The following DNAH8 variants were observed in gnomAD, a reference collection of about 807,000 sequenced individuals.
DNAH8 encodes the protein axonemal beta dynein heavy chain 8.
In DNAH8, 382 loss-of-function variants were observed where a neutral mutation model predicts 562.1. That is an observed-to-expected ratio of 0.68 (90% CI 0.63 to 0.74). DNAH8 has a LOEUF of 0.74. DNAH8 is among the 30% of genes least tolerant of loss of function. The probability of loss-of-function intolerance (pLI) is 0.00; values close to 1 mark genes in which losing one functional copy is unlikely to be tolerated. For synonymous variants in DNAH8, 1,881 were observed against 1,919.4 expected (o/e 0.98, Z 0.52); for missense variants, 5,203 against 5,620.4 (o/e 0.93, Z 2.37).
At chr6:38,968,401 G>A (rs1763117571) in intron 82 of DNAH8, among the ~76,000 whole-genome samples, 1 of 152,098 alleles carries the variant, frequency 6.6e-6, no homozygotes, top group Non-Finnish European at 1.5e-5. Context: ...TAAGGGTCTA[G>A]TATCCAGAAT....
intron 74 of DNAH8, among the ~76,000 whole-genome samples, chr6:38,927,867 C>T (rs1782238334): frequency 6.6e-6 from 1 of 152,100 alleles, no homozygotes; most frequent in Non-Finnish European, 1.5e-5. Context: ...GAAATATGCC[C>T]GAAACTCTTC....
chr6:38,989,638 G>A (rs1162505440), intron 87 of DNAH8, among the ~76,000 whole-genome samples: 1 of 152,196 alleles, frequency 6.6e-6, no homozygotes, highest in Non-Finnish European at 1.5e-5. Flanking sequence ...GTGGGGTGAT[G>A]AAAATGCCCA....
At chr6:38,804,514 A>G (rs1771073567) in intron 22 of DNAH8, among the ~76,000 whole-genome samples, 1 of 152,144 alleles carries the variant, frequency 6.6e-6, no homozygotes, top group African/African-American at 2.4e-5. Flanking sequence ...GCTGCTGCTC[A>G]GGGAAGTAGT....
At chr6:38,757,799 T>C (rs1048389148) in intron 10 of DNAH8, among the ~76,000 whole-genome samples, 4 of 152,216 alleles carry the variant, frequency 2.6e-5, no homozygotes, top group Non-Finnish European at 5.9e-5. Context: ...CATTTCTTGT[T>C]TTTGTCAGGT....
In DNAH8 at chr6:38,989,549, G is replaced by A. The variant is rs556095367; in HGVS notation, c.13054-463G>A. ...GAGTTTGCATGGAGCTCTCCTGGCC[G>A]TGTGCTGGGGCTCATTGCTGTGTGA... is the stretch of plus-strand genomic sequence containing the variant. On this transcript the variant is annotated intron_variant, in intron 87 of 92. Transcript: ENST00000327475. Among the ~76,000 whole-genome samples, 57 of 152,324 alleles carry A rather than the reference G, an allele frequency of 3.7e-4. 1 individual carries two copies. In the East Asian group the frequency reaches 0.01, roughly 27 times the overall value.
Position 39,011,636 on chromosome 6 carries a change from A to G in DNAH8, c.13372-579A>G, listed in dbSNP as rs566863796. On this transcript the variant is annotated intron_variant, in intron 89 of 92. Coordinates refer to ENST00000327475, the MANE Select transcript of DNAH8 (RefSeq NM_001206927.2). ...AATAGTCAATAAGTGATACATCAAA[A>G]GGAACAAATGACAGATATTTAACTG... Among the ~76,000 whole-genome samples the G allele has an allele frequency of 3.3e-5, 5 of 152,354 alleles. No individual in the cohort carries two copies. In the South Asian group the frequency reaches 1.0e-3, roughly 32 times the overall value.
At chr6:38,746,512 G>T (rs972407864) in intron 8 of DNAH8, among the ~76,000 whole-genome samples, 1 of 151,766 alleles carries the variant, frequency 6.6e-6, no homozygotes, top group African/African-American at 2.4e-5. Context: ...TTTGTTGCTT[G>T]TATTTTAATT....
intron 74 of DNAH8, among the ~76,000 whole-genome samples, chr6:38,929,112 A>G (rs1188494229): frequency 6.6e-6 from 1 of 152,136 alleles, no homozygotes; most frequent in Non-Finnish European, 1.5e-5. Flanking sequence ...TCACTTACTC[A>G]TCTTGTAGGG....
In DNAH8 at chr6:38,751,194, C is replaced by T. The variant is rs1030533726; in HGVS notation, c.1407+605C>T. ...GGGAGAGTCTTCTTCTCAGTTCACTCATGTGGTTATTGGAAGGCCCCAGTC... is the reference window on the plus strand; with the variant it reads ...GGGAGAGTCTTCTTCTCAGTTCACTTATGTGGTTATTGGAAGGCCCCAGTC... On this transcript the variant is annotated intron_variant, in intron 9 of 92. Coordinates refer to ENST00000327475, the MANE Select transcript of DNAH8 (RefSeq NM_001206927.2). Among the ~76,000 whole-genome samples the T allele has an allele frequency of 3.3e-5, 5 of 152,196 alleles. No homozygotes were observed. In the East Asian group the frequency reaches 7.7e-4, roughly 23 times the overall value.
intron 75 of DNAH8, among the ~76,000 whole-genome samples, chr6:38,930,078 G>C (rs1782442985): frequency 6.6e-6 from 1 of 152,056 alleles, no homozygotes. Flanking sequence ...AAATAACCCG[G>C]ATTTCTTCCC....
rs1764681753 is a variant in DNAH8, at chr6:38,990,156, C to T, written c.13198C>T (p.Pro4400Ser). The change falls in exon 88 of 93, where the codon CCT becomes TCT. Residue 4400 changes from proline (P) to serine (S), a missense_variant. By Grantham distance (74) the Pro-to-Ser change is moderately conservative. Around this residue, in one of 6 missense-constraint regions of DNAH8, gnomAD observed 1,399 missense variants for 1,518.4 expected, o/e 0.92. Transcript: ENST00000327475. ...LDNPEVFGLH[P>S]NADITYQSNT... The stretch of plus-strand genomic sequence containing the variant: ...TAACCCTGAAGTCTTTGGGCTTCAC[C>T]CTAATGCTGATATCACGTAAGTCCC... 2 of 1,606,320 alleles carry T rather than the reference C, an allele frequency of 1.2e-6. No homozygotes were observed. Among genetic ancestry groups the T allele is most frequent in the Middle Eastern group, 1.7e-4 (1 of 6,030 alleles).
In DNAH8 at chr6:38,911,491, C is replaced by T. The variant is rs759738901; in HGVS notation, c.9764C>T (p.Thr3255Ile). 1 of 1,613,344 alleles carries T rather than the reference C, an allele frequency of 6.2e-7. No individual in the cohort carries two copies. The highest frequency in any genetic ancestry group is 1.3e-5 in the African/African-American group (1 of 74,858). Residue 3255 changes from threonine (T) to isoleucine (I), a missense_variant, in exon 66 of 93, where the codon ACT becomes ATT. Transcript: ENST00000327475. ...AGATACCGCCGAAGAGCACATGTGA[C>T]TCCCAAATCTTACCTCTCATTTATA... ...FQRYRRRAHV[T>I]PKSYLSFING...
At chr6:38,721,077 C>T (rs527597974) in intron 1 of DNAH8, among the ~76,000 whole-genome samples, 2 of 152,104 alleles carry the variant, frequency 1.3e-5, no homozygotes, top group Non-Finnish European at 2.9e-5. Context: ...AGAAAATTAC[C>T]TCAAACGACC....
intron 52 of DNAH8, among the ~76,000 whole-genome samples, chr6:38,873,866 A>C (rs1484191366): frequency 6.6e-6 from 1 of 151,950 alleles, no homozygotes; most frequent in African/African-American, 2.4e-5. Flanking sequence ...CGTGGGAAAG[A>C]ACAGAAAGGG....
chr6:38,966,097 A>C (rs1162603856), intron 82 of DNAH8, among the ~76,000 whole-genome samples: 1 of 152,158 alleles, frequency 6.6e-6, no homozygotes, highest in Non-Finnish European at 1.5e-5. Context: ...AAAACTGACA[A>C]ATATTTAGCT....
At chr6:38,977,303 T>C (rs1306491497) in intron 85 of DNAH8, among the ~76,000 whole-genome samples, 3 of 152,058 alleles carry the variant, frequency 2.0e-5, no homozygotes, top group Non-Finnish European at 4.4e-5. Context: ...CCACTCCCCT[T>C]CTCCTCCAGC....
chr6:38,973,876 T>C, intron 84 of DNAH8, 63 bp downstream of exon 84: 1 of 1,389,118 alleles, frequency 7.2e-7, no homozygotes, highest in Non-Finnish European at 9.9e-7. Context: ...ATTGACATTG[T>C]TGAAAGATGG....
Position 38,837,992 on chromosome 6 carries a change from A to G in DNAH8, c.4416A>G (p.Glu1472=). 4 of 1,613,426 alleles carry G rather than the reference A, an allele frequency of 2.5e-6. No homozygotes were observed. The highest frequency in any genetic ancestry group is 1.1e-5 in the South Asian group (1 of 91,002). ...WRKFVTYSSG[E]QLFGLPVTDY... Reference sequence around the variant, plus strand: ...AATTTGTTACGTATTCATCTGGTGAACAACTTTTTGGATTGCCTGTGACTG... The same window carrying G: ...AATTTGTTACGTATTCATCTGGTGAGCAACTTTTTGGATTGCCTGTGACTG... Residue 1472 remains glutamate, a synonymous_variant, in exon 33 of 93, where the codon GAA becomes GAG. Coordinates refer to ENST00000327475, the MANE Select transcript of DNAH8 (RefSeq NM_001206927.2).
chr6:38,976,456 G>C (rs572079588), intron 85 of DNAH8, among the ~76,000 whole-genome samples: 2 of 152,308 alleles, frequency 1.3e-5, no homozygotes, highest in South Asian at 4.1e-4. Context: ...AGTGTTTGCT[G>C]TGATTTTGTG....
Sources: gnomAD v4.1 joint callset for allele counts (sites outside exome capture counted in the v4.1 genomes callset) on GRCh38, gnomAD v4.1.1 for gene constraint, gnomAD v4.1.1 regional missense constraint, MANE v1.5 for transcripts, NCBI Gene and HGNC (gene_info 2026-07-23, HGNC 2026-07-21) for gene names.